The following BCKDHB variants were observed in gnomAD, a reference collection of about 807,000 sequenced individuals.
BCKDHB encodes branched chain keto acid dehydrogenase E1 subunit beta.
A neutral mutation model predicts 48.5 loss-of-function variants in BCKDHB; 41 were observed. That is an observed-to-expected ratio of 0.85 (90% CI 0.66 to 1.10). The LOEUF (loss-of-function observed/expected upper bound fraction) is 1.10, where lower values mean the gene tolerates loss of function less well. Among genes scored for constraint, BCKDHB ranks in the 50% least tolerant of loss-of-function variants. The pLI, the probability that BCKDHB is intolerant of heterozygous loss-of-function variation, is 0.00. For synonymous variants in BCKDHB, 201 were observed against 174.8 expected, an observed-to-expected ratio of 1.15 and a Z score of -1.18; for missense variants, 496 against 494.2, an observed-to-expected ratio of 1.00 and a Z score of -0.03.
chr6:80,205,323 T>C (rs3805915), intron 8 of BCKDHB, among the ~76,000 whole-genome samples: 16,278 of 152,056 alleles, frequency 0.11, 1,456 homozygotes, highest in South Asian at 0.24. Context: ...TTTAATTAGC[T>C]GTGTTTTATC....
intron 3 of BCKDHB, among the ~76,000 whole-genome samples, chr6:80,166,113 T>G (rs1772555772): frequency 6.6e-6 from 1 of 152,118 alleles, no homozygotes. Context: ...CTTTCAAGAG[T>G]CAAGACTCCA....
At chr6:80,267,231 TTG>T (rs1036179993) in intron 8 of BCKDHB, among the ~76,000 whole-genome samples, 25 of 152,022 alleles carry the variant, frequency 1.6e-4, no homozygotes, top group African/African-American at 6.0e-4. Flanking sequence ...ATGAGGTAAA[TTG>T]TGTGTCTTCC....
intron 9 of BCKDHB, among the ~76,000 whole-genome samples, chr6:80,335,156 C>T (rs1253853958): frequency 2.7e-5 from 4 of 146,614 alleles, no homozygotes; most frequent in Non-Finnish European, 6.0e-5. Flanking sequence ...TGTCTGGTTG[C>T]TTTAGCCAGG....
At chr6:80,308,067 A>G (rs938949202) in intron 9 of BCKDHB, 35 of 299,986 alleles carry the variant, frequency 1.2e-4, no homozygotes, top group Non-Finnish European at 1.4e-4. Context: ...AAATATATGA[A>G]TTAATTATAA....
intron 8 of BCKDHB, among the ~76,000 whole-genome samples, chr6:80,262,147 G>A (rs1235315090): frequency 2.0e-5 from 3 of 152,146 alleles, no homozygotes; most frequent in South Asian, 4.1e-4. Context: ...ACACTGAAGG[G>A]CCTGCAGAGA....
intron 8 of BCKDHB, among the ~76,000 whole-genome samples, chr6:80,235,724 G>C (rs548918029): frequency 1.3e-5 from 2 of 152,302 alleles, no homozygotes; most frequent in Non-Finnish European, 1.5e-5. Flanking sequence ...CCTTGCAGTT[G>C]CTTGTGTAGT....
chr6:80,388,537 A>G, the BCKDHB span, among the ~76,000 whole-genome samples: 30 of 152,184 alleles, frequency 2.0e-4, no homozygotes, highest in Admixed American at 1.9e-3. Flanking sequence ...CCTTCTAGCC[A>G]TAAAGTGGGG....
At chr6:80,142,019 T>G (rs1003217364) in intron 3 of BCKDHB, among the ~76,000 whole-genome samples, 1 of 152,096 alleles carries the variant, frequency 6.6e-6, no homozygotes, top group Non-Finnish European at 1.5e-5. Flanking sequence ...ATATTTTAAT[T>G]GTTTTATTTT....
intron 6 of BCKDHB, among the ~76,000 whole-genome samples, chr6:80,178,186 T>G (rs1403040280): frequency 6.6e-6 from 1 of 152,210 alleles, no homozygotes; most frequent in African/African-American, 2.4e-5. Context: ...AGTCAGAGTT[T>G]AACTTTCTAT....
At chr6:80,340,472 A>C (rs1769830304) in intron 9 of BCKDHB, among the ~76,000 whole-genome samples, 1 of 152,232 alleles carries the variant, frequency 6.6e-6, no homozygotes, top group Admixed American at 6.5e-5. Context: ...TGTGGGGAGA[A>C]AGACCATAAA....
chr6:80,218,261 A>T (rs192683999), intron 8 of BCKDHB, among the ~76,000 whole-genome samples: 1 of 151,838 alleles, frequency 6.6e-6, no homozygotes, highest in Non-Finnish European at 1.5e-5. Flanking sequence ...TCACATCTTT[A>T]TCTTGGCTAT....
intron 1 of BCKDHB, among the ~76,000 whole-genome samples, chr6:80,122,590 A>T (rs929499192): frequency 1.3e-5 from 2 of 152,198 alleles, no homozygotes; most frequent in African/African-American, 4.8e-5. Flanking sequence ...TGAGGCTCAA[A>T]CCAACAAGTT....
At chr6:80,238,600 A>G (rs896074417) in intron 8 of BCKDHB, among the ~76,000 whole-genome samples, 16 of 151,436 alleles carry the variant, frequency 1.1e-4, no homozygotes, top group African/African-American at 3.4e-4. Context: ...TTATTTATAT[A>G]TTTTTTATTT....
the BCKDHB span, among the ~76,000 whole-genome samples, chr6:80,389,630 G>C: frequency 1.3e-5 from 2 of 152,214 alleles, no homozygotes; most frequent in African/African-American, 4.8e-5. Context: ...GGCTAAAGAA[G>C]TGCAGCAGTG....
the BCKDHB span, among the ~76,000 whole-genome samples, chr6:80,447,731 G>T: frequency 2.0e-5 from 3 of 152,062 alleles, no homozygotes; most frequent in Non-Finnish European, 4.4e-5. Flanking sequence ...AGTGGGGGAA[G>T]TCTGACTTCT....
intron 8 of BCKDHB, among the ~76,000 whole-genome samples, chr6:80,250,761 C>T (rs587999): frequency 0.87 from 132,351 of 152,194 alleles, 57,814 homozygotes; most frequent in East Asian, 0.99. Context: ...GAGTCCATGG[C>T]ACAGTGGATA....
the BCKDHB span, among the ~76,000 whole-genome samples, chr6:80,447,711 C>CT: frequency 3.4e-4 from 52 of 152,018 alleles, no homozygotes; most frequent in East Asian, 1.4e-3. Flanking sequence ...ACTATGTATT[C>CT]TTTTTTGGGA....
chr6:80,291,705 G>A (rs1766925120), intron 9 of BCKDHB, among the ~76,000 whole-genome samples: 1 of 152,066 alleles, frequency 6.6e-6, no homozygotes, highest in Non-Finnish European at 1.5e-5. Flanking sequence ...GTTCACAGGA[G>A]TAAGCAGGGT....
chr6:80,437,609 G>GTA, the BCKDHB span, among the ~76,000 whole-genome samples: 2 of 152,186 alleles, frequency 1.3e-5, no homozygotes, highest in Non-Finnish European at 2.9e-5. Flanking sequence ...TGCTTAAAGA[G>GTA]TATAAGTAAT....
Sources: gnomAD v4.1 joint callset for allele counts (sites outside exome capture counted in the v4.1 genomes callset) on GRCh38, gnomAD v4.1.1 for gene constraint, MANE v1.5 for transcripts, NCBI Gene and HGNC (gene_info 2026-07-23, HGNC 2026-07-21) for gene names.